The following ITGA8 variants were observed in gnomAD, a reference collection of about 807,000 sequenced individuals.
ITGA8 encodes integrin subunit alpha 8.
Under a neutral mutation model 142.3 loss-of-function variants are expected in ITGA8, and 91 were observed. The observed-to-expected ratio is 0.64, with a 90% CI of 0.54 to 0.76. ITGA8 has a LOEUF of 0.76. Ranked by LOEUF, ITGA8 falls within the 30% of genes least tolerant of loss-of-function variation. ITGA8 has a pLI of 0.00. For synonymous variants in ITGA8, 505 were observed against 485.2 expected, an observed-to-expected ratio of 1.04 and a Z score of -0.54; for missense variants, 1,406 against 1,327.7, an observed-to-expected ratio of 1.06 and a Z score of -0.92.
intron 26 of ITGA8, among the ~76,000 whole-genome samples, chr10:15,556,054 TCTCA>T (rs1833884012): frequency 1.0e-5 from 1 of 97,388 alleles, no homozygotes; most frequent in Non-Finnish European, 1.9e-5. Context: ...TGAGACCAAG[TCTCA>T]CTCTGTCTCC....
At chr10:15,609,269 T>C (rs111735340) in intron 15 of ITGA8, among the ~76,000 whole-genome samples, 15 of 152,278 alleles carry the variant, frequency 9.9e-5, no homozygotes, top group African/African-American at 3.6e-4. Context: ...TTCACATTTC[T>C]AGGAAAGTGA....
rs566486716 is a variant in ITGA8, at chr10:15,656,405, C to G, written c.949-999G>C. 1.3e-4 allele frequency among the ~76,000 whole-genome samples: 20 copies of G among 151,880 alleles called. No individual in the cohort carries two copies. The South Asian group carries it at 4.2e-3, about 32-fold the overall frequency. ...TTGAGATGAAGTCTCGCTCTGTTGC[C>G]CAGGCTGGAGTGCAGTGGTGTGATC... On this transcript the variant is annotated intron_variant, in intron 10 of 29. Coordinates refer to ENST00000378076, the MANE Select transcript of ITGA8 (RefSeq NM_003638.3).
Position 15,690,524 on chromosome 10 carries a change from G to A in ITGA8, c.344-2486C>T, listed in dbSNP as rs149051997. Reference sequence around the variant, plus strand: ...ACCTGAAGAGTGAACCTGTGCCCTCGTCACAGGGGCTACAGTAGTTCAAAA... The same window carrying A: ...ACCTGAAGAGTGAACCTGTGCCCTCATCACAGGGGCTACAGTAGTTCAAAA... On this transcript the variant is annotated intron_variant, in intron 2 of 29. Coordinates refer to ENST00000378076, the MANE Select transcript of ITGA8 (RefSeq NM_003638.3). Among the ~76,000 whole-genome samples the A allele has an allele frequency of 4.6e-4, 70 of 152,120 alleles. 1 individual carries two copies. In the East Asian group the frequency reaches 5.8e-3, roughly 13 times the overall value.
intron 25 of ITGA8, among the ~76,000 whole-genome samples, chr10:15,570,610 C>CAAAAAAAAAA (rs931457896): frequency 7.5e-5 from 3 of 40,016 alleles, no homozygotes; most frequent in Admixed American, 2.6e-4. Flanking sequence ...AACTCCATCT[C>CAAAAAAAAAA]AAAAAAAAAA....
At chr10:15,652,136 C>T (rs1834097720) in intron 11 of ITGA8, among the ~76,000 whole-genome samples, 1 of 152,200 alleles carries the variant, frequency 6.6e-6, no homozygotes, top group Admixed American at 6.5e-5. Flanking sequence ...CATGTTGTTT[C>T]GATTAACAGG....
At chr10:15,691,755 T>A (rs1834938600) in intron 2 of ITGA8, among the ~76,000 whole-genome samples, 1 of 152,156 alleles carries the variant, frequency 6.6e-6, no homozygotes, top group South Asian at 2.1e-4. Context: ...TCAGTTGGGA[T>A]GAGTAAATTA....
intron 6 of ITGA8, among the ~76,000 whole-genome samples, chr10:15,676,440 C>T (rs1411424792): frequency 1.3e-5 from 2 of 152,092 alleles, no homozygotes; most frequent in Admixed American, 1.3e-4. Flanking sequence ...CCACAGCCAC[C>T]CAGGAGAAGC....
intron 28 of ITGA8, among the ~76,000 whole-genome samples, chr10:15,528,199 G>T (rs1317656056): frequency 2.0e-5 from 3 of 152,250 alleles, no homozygotes; most frequent in South Asian, 2.1e-4. Flanking sequence ...GCCTCCCAAA[G>T]TGCTGGGATT....
At chr10:15,683,288 TCCATCCACCCATCCAC>T (rs58535748) in intron 4 of ITGA8, among the ~76,000 whole-genome samples, 2 of 103,420 alleles carry the variant, frequency 1.9e-5, no homozygotes, top group African/African-American at 6.8e-5. Flanking sequence ...CATCCATCCA[TCCATCCACCCATCCAC>T]CCACCCACCC....
chr10:15,602,351 T>C (rs1204036165), intron 20 of ITGA8, among the ~76,000 whole-genome samples: 5 of 152,164 alleles, frequency 3.3e-5, no homozygotes, highest in African/African-American at 1.2e-4. Context: ...TTAAACACCA[T>C]TTTTATAAGT....
chr10:15,536,033 C>G, intron 27 of ITGA8, among the ~76,000 whole-genome samples: 1 of 151,536 alleles, frequency 6.6e-6, no homozygotes, highest in Non-Finnish European at 1.5e-5. Flanking sequence ...CCAGCGAGAC[C>G]ACGAACCCAC....
chr10:15,584,686 CA>C (rs528754702), intron 23 of ITGA8, among the ~76,000 whole-genome samples: 2 of 152,042 alleles, frequency 1.3e-5, no homozygotes, highest in Non-Finnish European at 2.9e-5. Flanking sequence ...AAGATATGTA[CA>C]AAAAACAATT....
At chr10:15,676,523 G>T (rs1052742672) in intron 6 of ITGA8, among the ~76,000 whole-genome samples, 1 of 151,962 alleles carries the variant, frequency 6.6e-6, no homozygotes, top group Admixed American at 6.6e-5. Context: ...GGTTTCTTGG[G>T]TACCCCTGTG....
At chr10:15,677,085 A>C (rs1352784374) in intron 6 of ITGA8, among the ~76,000 whole-genome samples, 1 of 152,220 alleles carries the variant, frequency 6.6e-6, no homozygotes, top group Non-Finnish European at 1.5e-5. Context: ...GGAAGCTAAA[A>C]AAGTTGATCT....
intron 4 of ITGA8, among the ~76,000 whole-genome samples, chr10:15,679,111 C>T (rs1834688821): frequency 6.6e-6 from 1 of 152,062 alleles, no homozygotes; most frequent in African/African-American, 2.4e-5. Context: ...TCCCATGAGG[C>T]AATAACGTGT....
intron 13 of ITGA8, among the ~76,000 whole-genome samples, chr10:15,643,752 C>T (rs1177138548): frequency 6.6e-6 from 1 of 152,192 alleles, no homozygotes; most frequent in African/African-American, 2.4e-5. Context: ...CAAATGAAAA[C>T]TTGGGTTGTG....
At chr10:15,589,024 G>A (rs1197105592) in intron 22 of ITGA8, among the ~76,000 whole-genome samples, 2 of 152,200 alleles carry the variant, frequency 1.3e-5, no homozygotes, top group African/African-American at 2.4e-5. Flanking sequence ...CCTCTTTCCT[G>A]AAAGGAAAGC....
chr10:15,517,272 T>A, intron 29 of ITGA8, 28 bp from the exon 30 acceptor site: 1 of 1,493,226 alleles, frequency 6.7e-7, no homozygotes, highest in Non-Finnish European at 9.2e-7. Context: ...GGCTATAAAA[T>A]CACGTCATTC....
chr10:15,602,450 T>C (rs974199591), intron 20 of ITGA8, among the ~76,000 whole-genome samples: 1 of 152,068 alleles, frequency 6.6e-6, no homozygotes, highest in African/African-American at 2.4e-5. Context: ...AAAAATCACA[T>C]AATTGGCGGG....
Sources: gnomAD v4.1 joint callset for allele counts (sites outside exome capture counted in the v4.1 genomes callset) on GRCh38, gnomAD v4.1.1 for gene constraint, MANE v1.5 for transcripts, NCBI Gene and HGNC (gene_info 2026-07-23, HGNC 2026-07-21) for gene names.